SUMF1: variants seen among roughly 807,000 people sequenced by gnomAD.
SUMF1 encodes sulfatase modifying factor 1.
Under a neutral mutation model 47.6 loss-of-function variants are expected in SUMF1, and 48 were observed. The ratio of observed to expected loss-of-function variants is 1.01; its 90% CI spans 0.80 to 1.28. The LOEUF (loss-of-function observed/expected upper bound fraction) is 1.28, where lower values mean the gene tolerates loss of function less well. Ranked by LOEUF, SUMF1 falls within the 50% of genes most tolerant of loss-of-function variation. The probability of loss-of-function intolerance (pLI) is 0.00; values close to 1 mark genes in which losing one functional copy is unlikely to be tolerated. For missense variants in SUMF1, 571 were observed against 485.4 expected (o/e 1.18, Z -1.66); for synonymous variants, 230 against 192.1 (o/e 1.20, Z -1.63).
chr3:4,185,837 G>T (rs1695190640), intron 8 of SUMF1, among the ~76,000 whole-genome samples: 1 of 152,144 alleles, frequency 6.6e-6, no homozygotes, highest in Non-Finnish European at 1.5e-5. Flanking sequence ...CTTGAACAAG[G>T]ATATTTTTGT....
At chr3:4,165,605 G>A (rs997412362) in intron 8 of SUMF1, among the ~76,000 whole-genome samples, 1 of 152,012 alleles carries the variant, frequency 6.6e-6, no homozygotes, top group Non-Finnish European at 1.5e-5. Context: ...CACTCCATTT[G>A]CCTTCCCTCT....
intron 8 of SUMF1, among the ~76,000 whole-genome samples, chr3:4,321,331 C>A (rs370236204): frequency 6.6e-6 from 1 of 151,836 alleles, no homozygotes; most frequent in Admixed American, 6.6e-5. Flanking sequence ...ACATTTAGCA[C>A]CCAGATCTTG....
At chr3:4,039,209 ATTTTTT>A (rs775459424) in intron 9 of SUMF1, among the ~76,000 whole-genome samples, 5 of 39,496 alleles carry the variant, frequency 1.3e-4, no homozygotes, top group African/African-American at 3.0e-4. Flanking sequence ...ATCTATGCAA[ATTTTTT>A]TTTTTTTTTT....
At chr3:4,218,268 GT>G in intron 8 of SUMF1, among the ~76,000 whole-genome samples, 1 of 151,970 alleles carries the variant, frequency 6.6e-6, no homozygotes, top group African/African-American at 2.4e-5. Context: ...ATAAAATTCT[GT>G]TGTTTAAGCC....
intron 8 of SUMF1, among the ~76,000 whole-genome samples, chr3:4,131,615 G>C (rs1422893921): frequency 6.6e-6 from 1 of 152,148 alleles, no homozygotes; most frequent in Non-Finnish European, 1.5e-5. Context: ...TGATTCATGG[G>C]CTGTAGCTAA....
intron 8 of SUMF1, chr3:4,317,434 GCA>G (rs1251002674): frequency 1.8e-6 from 1 of 544,404 alleles, no homozygotes; most frequent in Non-Finnish European, 3.2e-6. Context: ...TGTAATCCCA[GCA>G]CTTTGGGAGG....
rs73809537 is a variant in SUMF1, at chr3:4,392,671, C to T, written c.955-16282G>A. ...TATATATATAAAGAGAGAAAGAGAG[C>T]GAGAGAGAGAGCACATGTATATGTA... On this transcript the variant is annotated intron_variant, in intron 7 of 8. Transcript: ENST00000272902. Among the ~76,000 whole-genome samples, 5 of 141,324 alleles carry T rather than the reference C, an allele frequency of 3.5e-5. No homozygotes were observed. The East Asian group carries it at 8.6e-4, about 24-fold the overall frequency. 92.7% of individuals were successfully genotyped at this position (141,324 alleles called of 152,430 possible). A position where few individuals can be genotyped will look rare whatever the true frequency, so the allele number is the denominator to read the frequency against.
intron 8 of SUMF1, chr3:4,316,316 A>G: frequency 1.6e-6 from 2 of 1,222,974 alleles, no homozygotes; most frequent in Non-Finnish European, 2.3e-6. Flanking sequence ...TCAACAATGC[A>G]TTTGGCCCAG....
intron 8 of SUMF1, among the ~76,000 whole-genome samples, chr3:4,302,833 G>C (rs1027764102): frequency 1.8e-4 from 27 of 152,140 alleles, no homozygotes; most frequent in African/African-American, 6.5e-4. Flanking sequence ...TAGAGGGATG[G>C]AGAGGAGGGA....
chr3:4,425,588 G>A lies in SUMF1; in HGVS notation c.520-5442C>T, dbSNP rs369497641. Reference sequence around the variant, plus strand: ...GAGCTAAGGGGTGAAGGAAGTATTGGAACATGTGTCACTTCCAAAGACTTC... The same window carrying A: ...GAGCTAAGGGGTGAAGGAAGTATTGAAACATGTGTCACTTCCAAAGACTTC... On this transcript the variant is annotated intron_variant, in intron 3 of 8. Transcript: ENST00000272902. 5.3e-5 allele frequency among the ~76,000 whole-genome samples: 8 copies of A among 152,024 alleles called. No individual in the cohort carries two copies. In the East Asian group the frequency reaches 7.7e-4, roughly 15 times the overall value.
At chr3:4,242,044 T>C (rs533676829) in intron 8 of SUMF1, among the ~76,000 whole-genome samples, 32 of 152,232 alleles carry the variant, frequency 2.1e-4, no homozygotes, top group African/African-American at 7.7e-4. Context: ...AGCTGGCTCG[T>C]TGGTCTAGGG....
chr3:4,087,636 A>AC (rs758501940), intron 8 of SUMF1, among the ~76,000 whole-genome samples: 4 of 152,122 alleles, frequency 2.6e-5, no homozygotes, highest in Non-Finnish European at 5.9e-5. Flanking sequence ...AGAAGACAGT[A>AC]GGAGAAATGG....
chr3:4,176,424 T>C lies in SUMF1; in HGVS notation c.1015-107679A>G, dbSNP rs562031987. Among the ~76,000 whole-genome samples the C allele has an allele frequency of 2.0e-5, 3 of 152,292 alleles. No individual in the cohort carries two copies. The South Asian group carries it at 6.2e-4, about 32-fold the overall frequency. On this transcript the variant is annotated intron_variant and NMD_transcript_variant, in intron 8 of 12. Coordinates refer to the SUMF1 transcript ENST00000448413. ...AAAGAATTTCCAAAACAGAATTTCA[T>C]ATCCAGCTATACTAAGCTTCATAAT... is the stretch of plus-strand genomic sequence containing the variant.
At chr3:4,074,765 G>C (rs1019544924) in intron 8 of SUMF1, among the ~76,000 whole-genome samples, 1 of 152,058 alleles carries the variant, frequency 6.6e-6, no homozygotes, top group South Asian at 2.1e-4. Flanking sequence ...CCTGGATACA[G>C]ACACCCACCC....
intron 8 of SUMF1, among the ~76,000 whole-genome samples, chr3:4,275,209 G>A (rs1386734550): frequency 6.6e-6 from 1 of 152,154 alleles, no homozygotes; most frequent in Non-Finnish European, 1.5e-5. Context: ...AAGAAATGAA[G>A]TAGTTAGAAC....
At chr3:4,267,623 A>C (rs867665501) in intron 8 of SUMF1, among the ~76,000 whole-genome samples, 1 of 152,152 alleles carries the variant, frequency 6.6e-6, no homozygotes, top group Admixed American at 6.5e-5. Flanking sequence ...CAGCCAAAAA[A>C]CACATGAAAA....
At chr3:4,454,838 T>C (rs1166638945) in intron 1 of SUMF1, among the ~76,000 whole-genome samples, 2 of 152,220 alleles carry the variant, frequency 1.3e-5, no homozygotes, top group African/African-American at 2.4e-5. Context: ...ACATATTGTA[T>C]GAATCTATTC....
chr3:4,105,409 C>T (rs952650580), intron 8 of SUMF1, among the ~76,000 whole-genome samples: 8 of 152,122 alleles, frequency 5.3e-5, no homozygotes, highest in African/African-American at 1.9e-4. Flanking sequence ...TGCAGTGAGC[C>T]TGACTAACAC....
chr3:4,153,211 T>G (rs1166424717), intron 8 of SUMF1, among the ~76,000 whole-genome samples: 2 of 151,286 alleles, frequency 1.3e-5, no homozygotes, highest in Admixed American at 6.6e-5. Flanking sequence ...ACTTGAGGAT[T>G]TTCTTTTTTT....
Sources: allele counts gnomAD v4.1 joint callset (sites outside exome capture counted in the v4.1 genomes callset), GRCh38; gene constraint gnomAD v4.1.1; transcripts MANE v1.5; gene names NCBI Gene and HGNC (gene_info 2026-07-23, HGNC 2026-07-21).